TBC1D2: variants seen among roughly 807,000 people sequenced by gnomAD.
TBC1D2 encodes the protein TBC1 domain family member 2A.
In TBC1D2, 58 loss-of-function variants were observed where a neutral mutation model predicts 91.1. The observed-to-expected ratio is 0.64, with a 90% confidence interval of 0.52 to 0.79. TBC1D2 has a LOEUF of 0.79. TBC1D2 is among the 30% of genes least tolerant of loss of function. The pLI, the probability that TBC1D2 is intolerant of heterozygous loss-of-function variation, is 0.00. For synonymous variants in TBC1D2, 482 were observed against 511.5 expected (o/e 0.94, Z 0.78); for missense variants, 1,080 against 1,208.3 (o/e 0.89, Z 1.57).
rs778182723 is a variant in TBC1D2, at chr9:98,208,893, C to T, written c.1925G>A (p.Arg642His). Residue 642 changes from arginine to histidine, a missense_variant, in exon 9 of 13, where the codon CGT becomes CAT. Transcript: ENST00000465784. ...PRVWRWLVHL[R>H]VQHLHTPGCY... ...GCCTGGAGTGTGCAGGTGCTGGACACGGAGGTGGACCAGCCACCTCCAGAC... is the reference window on the plus strand; with the variant it reads ...GCCTGGAGTGTGCAGGTGCTGGACATGGAGGTGGACCAGCCACCTCCAGAC... 1.9e-5 allele frequency: 31 copies of T among 1,613,994 alleles called. No individual in the cohort carries two copies. The highest frequency in any genetic ancestry group is 5.5e-5 in the South Asian group (5 of 91,078).
In TBC1D2 at chr9:98,221,135, G is replaced by C. The variant is rs751295205; in HGVS notation, c.1072C>G (p.Arg358Gly). 1 of 1,587,638 alleles carries C rather than the reference G, an allele frequency of 6.3e-7. No homozygotes were observed. Among genetic ancestry groups the C allele is most frequent in the Admixed American group, 1.8e-5 (1 of 55,438 alleles). The change falls in exon 6 of 13, where the codon CGG becomes GGG. Residue 358 changes from arginine to glycine, a missense_variant. Physicochemically the swap from Arg to Gly is moderately radical, Grantham distance 125. Transcript: ENST00000465784. ...ACTTTGTGCCGCACCAGCTCCAGCCGGTCCTTGTCCTCAGCCGCCGCCAGG... is the reference window on the plus strand; with the variant it reads ...ACTTTGTGCCGCACCAGCTCCAGCCCGTCCTTGTCCTCAGCCGCCGCCAGG... ...AYLAAAEDKDRLELVRHKVRQ... is the reference protein window; with the variant it reads ...AYLAAAEDKDGLELVRHKVRQ...
intron 3 of TBC1D2, among the ~76,000 whole-genome samples, chr9:98,240,535 A>G (rs909959712): frequency 6.6e-6 from 1 of 152,174 alleles, no homozygotes; most frequent in African/African-American, 2.4e-5. Context: ...GCCCTGTTAC[A>G]TGGATTTCAC....
Position 98,210,757 on chromosome 9 carries a change from T to G in TBC1D2, c.1572A>C (p.Glu524Asp). The G allele has an allele frequency of 6.4e-7, 1 of 1,570,238 alleles. No homozygotes were observed. Residue 524 changes from glutamate to aspartate, a missense_variant, in exon 8 of 13, where the codon GAA becomes GAC. Glu to Asp is a conservative substitution (Grantham distance 45). Transcript: ENST00000465784. ...TCAGCAGCTCTGAGCACTCGCTGGC[T>G]TCGTCCCCCAGGGCCTCCTGCAGCC... is the stretch of plus-strand genomic sequence containing the variant. ...LRRLQEALGDEASECSELLRQ... is the reference protein window; with the variant it reads ...LRRLQEALGDDASECSELLRQ...
At position 98,250,379 on chromosome 9, in the gene TBC1D2, T is replaced by C. The variant is rs147562417; in HGVS notation, c.511+1406A>G. Among the ~76,000 whole-genome samples, 12 of 151,878 alleles carry C rather than the reference T, an allele frequency of 7.9e-5. No homozygotes were observed. The East Asian group carries it at 2.3e-3, about 29-fold the overall frequency. On this transcript the variant is annotated intron_variant, in intron 2 of 12. Coordinates refer to ENST00000465784, the MANE Select transcript of TBC1D2 (RefSeq NM_001267571.2). ...CTCACTCAGGCTGCAGAGAAGGGGA[T>C]GGGTTCTGGCATGGCCTCCACATGG...
rs1485988741 is a variant in TBC1D2, at chr9:98,222,895, G to A, written c.979-1667C>T. Among the ~76,000 whole-genome samples the A allele has an allele frequency of 2.0e-5, 3 of 152,354 alleles. No homozygotes were observed. The East Asian group carries it at 5.8e-4, about 29-fold the overall frequency. On this transcript the variant is annotated intron_variant, in intron 5 of 12. Transcript: ENST00000465784. ...AGAAGCTAATGACAAGACCACATTA[G>A]CCTGCATCTTCTGAAACCTTAGGAC...
intron 5 of TBC1D2, among the ~76,000 whole-genome samples, chr9:98,224,546 G>A (rs1480274618): frequency 6.6e-6 from 1 of 152,270 alleles, no homozygotes; most frequent in East Asian, 1.9e-4. Flanking sequence ...GCCTCCCAAA[G>A]TGTTGGGGTT....
chr9:98,216,987 C>T (rs902237361), intron 6 of TBC1D2, among the ~76,000 whole-genome samples: 9 of 152,212 alleles, frequency 5.9e-5, no homozygotes, highest in South Asian at 2.1e-4. Flanking sequence ...TGAGCCACCA[C>T]GCTTGGCTAC....
chr9:98,248,486 T>C (rs1328427627), intron 2 of TBC1D2, among the ~76,000 whole-genome samples: 2 of 152,224 alleles, frequency 1.3e-5, no homozygotes, highest in African/African-American at 4.8e-5. Flanking sequence ...AAAAAGGGCC[T>C]GACCCAGGAG....
intron 6 of TBC1D2, among the ~76,000 whole-genome samples, chr9:98,215,801 T>C (rs55637063): frequency 0.12 from 17,735 of 152,218 alleles, 1,237 homozygotes; most frequent in African/African-American, 0.19. Flanking sequence ...CCACTGTGCC[T>C]GGCCAGGACT....
Position 98,255,604 on chromosome 9 carries a change from G to A in TBC1D2, c.-63C>T. ...GCGGGACCACCAGGGACAAATCTCG[G>A]AGACTCGGCGGGCAGCTTCCCAAAG... On this transcript the variant is annotated 5_prime_UTR_variant, in exon 1 of 13. Coordinates refer to ENST00000465784, the MANE Select transcript of TBC1D2 (RefSeq NM_001267571.2). 1 of 1,424,002 alleles carries A rather than the reference G, an allele frequency of 7.0e-7. No homozygotes were observed. Among genetic ancestry groups the A allele is most frequent in the Non-Finnish European group, 9.1e-7 (1 of 1,093,058 alleles). 88.2% of individuals were successfully genotyped at this position (1,424,002 alleles called of 1,614,324 possible).
Position 98,213,229 on chromosome 9 carries a change from G to C in TBC1D2, c.1375-11C>G, listed in dbSNP as rs750664947. On this transcript the variant is annotated splice_polypyrimidine_tract_variant and intron_variant, in intron 6 of 12. Transcript: ENST00000465784. ...AGCTTCCATGTCATCCTGGAGAAGA[G>C]AGTAAAATATGTTATCAGTTGGACA... The C allele has an allele frequency of 1.6e-5, 26 of 1,614,028 alleles. No homozygotes were observed. The highest frequency in any genetic ancestry group is 1.9e-5 in the Non-Finnish European group (23 of 1,180,012).
chr9:98,231,279 C>CTTTTTTTTTTTTTTTTTTT (rs35195996), intron 4 of TBC1D2, among the ~76,000 whole-genome samples: 1 of 76,740 alleles, frequency 1.3e-5, no homozygotes, highest in African/African-American at 5.5e-5. Flanking sequence ...CTCAACTCTG[C>CTTTTTTTTTTTTTTTTTTT]TTTTTTTTTT....
chr9:98,216,370 C>T (rs1233081795), intron 6 of TBC1D2, among the ~76,000 whole-genome samples: 1 of 151,406 alleles, frequency 6.6e-6, no homozygotes, highest in African/African-American at 2.4e-5. Context: ...GAAAATACAA[C>T]AAGCCCCCCC....
intron 7 of TBC1D2, among the ~76,000 whole-genome samples, 173 bp from the exon 8 acceptor site, chr9:98,211,016 C>T (rs926631064): frequency 1.3e-5 from 2 of 152,244 alleles, no homozygotes; most frequent in Non-Finnish European, 2.9e-5. Context: ...CAGTGGTTTA[C>T]AGCAAGGCAG....
chr9:98,223,487 G>C (rs1312779755), intron 5 of TBC1D2, among the ~76,000 whole-genome samples: 1 of 152,224 alleles, frequency 6.6e-6, no homozygotes, highest in East Asian at 1.9e-4. Context: ...ACATTCCTGT[G>C]GTTCCAGGAA....
intron 6 of TBC1D2, among the ~76,000 whole-genome samples, chr9:98,217,083 C>T (rs1015020894): frequency 6.6e-5 from 10 of 152,172 alleles, no homozygotes; most frequent in Admixed American, 3.3e-4. Context: ...ACAGACATGC[C>T]GGACAGGGAG....
rs534601664 is a variant in TBC1D2 at position 98,233,616 on chromosome 9, G to A, written c.648-67C>T. The stretch of plus-strand genomic sequence containing the variant: ...GCCTTTCTGCCCTTCTGTCCTTCCC[G>A]CCACCACTGCTGGAGCTCAGGTCTC... On this transcript the variant is annotated intron_variant, in intron 3 of 12. Transcript: ENST00000465784. 190 of 1,577,888 alleles carry A rather than the reference G, an allele frequency of 1.2e-4. No individual in the cohort carries two copies. In the East Asian group the frequency reaches 2.4e-3, roughly 20 times the overall value.
chr9:98,246,278 T>A (rs1829762291), intron 2 of TBC1D2, among the ~76,000 whole-genome samples: 1 of 152,170 alleles, frequency 6.6e-6, no homozygotes. Context: ...GTTTTTGCAC[T>A]ATATCTGCAA....
intron 9 of TBC1D2, among the ~76,000 whole-genome samples, chr9:98,205,202 G>C (rs1373963878): frequency 6.6e-6 from 1 of 152,202 alleles, no homozygotes; most frequent in African/African-American, 2.4e-5. Context: ...ATCCCACCCT[G>C]TTCCCCCTGA....
Sources: gnomAD v4.1 joint callset for allele counts (sites outside exome capture counted in the v4.1 genomes callset) on GRCh38, gnomAD v4.1.1 for gene constraint, MANE v1.5 for transcripts, NCBI Gene and HGNC (gene_info 2026-07-23, HGNC 2026-07-21) for gene names.